The following ARL6IP6 variants were observed in gnomAD, a reference collection of about 807,000 sequenced individuals.
ARL6IP6 encodes ARF like GTPase 6 interacting protein 6.
In ARL6IP6, 22 loss-of-function variants were observed where a neutral mutation model predicts 21.5. That is an observed-to-expected ratio of 1.02 (90% CI 0.73 to 1.46). The LOEUF (loss-of-function observed/expected upper bound fraction) is 1.46, where lower values mean the gene tolerates loss of function less well. Ranked by LOEUF, ARL6IP6 falls within the 40% of genes most tolerant of loss-of-function variation. The pLI is 0.00. For synonymous variants in ARL6IP6, 164 were observed against 125.3 expected (o/e 1.31, Z -2.06); for missense variants, 388 against 299.8 (o/e 1.29, Z -2.17).
chr2:152,743,882 A>G (rs1700926048), intron 3 of ARL6IP6, among the ~76,000 whole-genome samples: 1 of 152,176 alleles, frequency 6.6e-6, no homozygotes, highest in Non-Finnish European at 1.5e-5. Context: ...GATTTTAAAT[A>G]ATTTTCTCTC....
chr2:152,724,992 C>T (rs1242813175), intron 2 of ARL6IP6, among the ~76,000 whole-genome samples: 1 of 152,110 alleles, frequency 6.6e-6, no homozygotes, highest in African/African-American at 2.4e-5. Context: ...ATCGAAGTAA[C>T]TTAATTGGCT....
intron 2 of ARL6IP6, among the ~76,000 whole-genome samples, chr2:152,730,585 C>T (rs1223328191): frequency 6.6e-6 from 1 of 151,544 alleles, no homozygotes; most frequent in Non-Finnish European, 1.5e-5. Context: ...GAAGGTTATT[C>T]TAAGGTTCTG....
intron 3 of ARL6IP6, among the ~76,000 whole-genome samples, chr2:152,737,545 A>G (rs545418291): frequency 1.2e-4 from 19 of 152,252 alleles, no homozygotes; most frequent in African/African-American, 3.6e-4. Flanking sequence ...AAGAGTTTTA[A>G]TTGACTCACA....
At chr2:152,758,147 A>G (rs1701671881) in intron 3 of ARL6IP6, among the ~76,000 whole-genome samples, 1 of 152,174 alleles carries the variant, frequency 6.6e-6, no homozygotes, top group South Asian at 2.1e-4. Context: ...GTATTTGCAT[A>G]TAACCTAAGC....
chr2:152,743,562 G>A (rs762572747), intron 3 of ARL6IP6, among the ~76,000 whole-genome samples: 8 of 152,058 alleles, frequency 5.3e-5, no homozygotes, highest in African/African-American at 1.9e-4. Flanking sequence ...AGTGGCAAGC[G>A]CCCCTAGCAT....
rs73005614 is a variant in ARL6IP6 at position 152,747,287 on chromosome 2, C to G, written c.587+12161C>G. 9.2e-3 allele frequency among the ~76,000 whole-genome samples: 1,404 copies of G among 152,270 alleles called. 22 individuals are homozygous for G. The highest frequency in any genetic ancestry group is 0.032 in the African/African-American group (1,328 of 41,542). ...TGACTAAACTCCAGTGAGGAGAGAGCTAGCTTTCCAGGTCTTTCATTCTGA... is the reference window on the plus strand; with the variant it reads ...TGACTAAACTCCAGTGAGGAGAGAGGTAGCTTTCCAGGTCTTTCATTCTGA... On this transcript the variant is annotated intron_variant, in intron 3 of 3. Transcript: ENST00000326446.
At chr2:152,719,108 C>T (rs1699537656) in intron 1 of ARL6IP6, 84 bp downstream of exon 1, 4 of 1,400,196 alleles carry the variant, frequency 2.9e-6, no homozygotes, top group Non-Finnish European at 3.7e-6. Flanking sequence ...CTCCCTTTCC[C>T]TCGCGCTAAG....
intron 2 of ARL6IP6, among the ~76,000 whole-genome samples, chr2:152,734,622 C>T (rs1210783964): frequency 6.6e-6 from 1 of 152,204 alleles, no homozygotes; most frequent in African/African-American, 2.4e-5. Flanking sequence ...TCCCAAAACA[C>T]TGTGATTGCA....
In ARL6IP6 at chr2:152,759,804, C is replaced by T. The variant is rs142877091; in HGVS notation, c.645C>T (p.Ile215=). The part of the protein sequence containing the change: ...MGYSMAILNG[I]VAALTVAWCL... ...ATAGCATGGCGATTTTGAATGGCAT[C>T]GTAGCTGCTCTTACTGTAGCATGGT... The change falls in exon 4 of 4, where the codon ATC becomes ATT. Residue 215 remains isoleucine, a synonymous_variant. Coordinates refer to ENST00000326446, the MANE Select transcript of ARL6IP6 (RefSeq NM_152522.7). 23 of 1,613,448 alleles carry T rather than the reference C, an allele frequency of 1.4e-5. No homozygotes were observed. In the African/African-American group the frequency reaches 1.6e-4, roughly 11 times the overall value.
chr2:152,732,485 A>G, intron 2 of ARL6IP6: 1 of 406,274 alleles, frequency 2.5e-6, no homozygotes, highest in South Asian at 1.9e-5. Flanking sequence ...ATTTAACTTT[A>G]TATTTGGATT....
chr2:152,718,120 G>A (rs1699281959), upstream of ARL6IP6: 3 of 962,886 alleles, frequency 3.1e-6, no homozygotes, highest in Non-Finnish European at 3.7e-6. Context: ...AGAGCGCCAG[G>A]TAGAGAGGTG....
chr2:152,717,766 G>C (rs995631257), upstream of ARL6IP6: 11 of 1,253,358 alleles, frequency 8.8e-6, no homozygotes, highest in South Asian at 1.0e-4. Context: ...CACCCCGTAG[G>C]GGGTGGGGCA....
chr2:152,732,012 T>C (rs987959770), intron 2 of ARL6IP6, among the ~76,000 whole-genome samples: 16 of 152,234 alleles, frequency 1.1e-4, no homozygotes, highest in African/African-American at 3.8e-4. Flanking sequence ...TGTATGGATG[T>C]ACTTAATTAA....
chr2:152,718,573 C>T, upstream of ARL6IP6: 1 of 1,487,060 alleles, frequency 6.7e-7, no homozygotes, highest in Non-Finnish European at 8.9e-7. Flanking sequence ...GGACCCGGGG[C>T]GGGGCAGGTG....
In ARL6IP6 at chr2:152,759,941, G is replaced by C. The variant is rs1459545400; in HGVS notation, c.*101G>C. ...TACTCAGAAGACTGAGAAACCTGCT[G>C]TTCATTATGTAGTTCAGATATTTAT... On this transcript the variant is annotated 3_prime_UTR_variant, in exon 4 of 4. Coordinates refer to ENST00000326446, the MANE Select transcript of ARL6IP6 (RefSeq NM_152522.7). The C allele has an allele frequency of 2.2e-6, 2 of 915,730 alleles. No homozygotes were observed. The highest frequency in any genetic ancestry group is 3.5e-6 in the Non-Finnish European group (2 of 567,802). The allele number at this position is 915,730 out of a possible 1,614,324, so 56.7% of individuals were successfully genotyped here.
intron 3 of ARL6IP6, among the ~76,000 whole-genome samples, chr2:152,752,850 G>A (rs889236461): frequency 6.6e-6 from 1 of 152,176 alleles, no homozygotes; most frequent in African/African-American, 2.4e-5. Context: ...TAAGAAGTGT[G>A]CCTTAATTGG....
intron 3 of ARL6IP6, 39 bp from the exon 4 acceptor site, chr2:152,759,708 C>T: frequency 6.5e-7 from 1 of 1,538,456 alleles, no homozygotes; most frequent in Non-Finnish European, 9.0e-7. Flanking sequence ...TACCACGTTA[C>T]ATTTTTCTTT....
intron 3 of ARL6IP6, among the ~76,000 whole-genome samples, chr2:152,755,259 A>G (rs578133032): frequency 6.6e-6 from 1 of 152,284 alleles, no homozygotes; most frequent in African/African-American, 2.4e-5. Context: ...GGTAGCGTCA[A>G]TGCCAAGGGA....
chr2:152,717,845 G>C (rs569415864), upstream of ARL6IP6: 2 of 1,104,134 alleles, frequency 1.8e-6, no homozygotes, highest in Non-Finnish European at 2.2e-6. Flanking sequence ...GGCCGCCAGG[G>C]GTAGGGTGGA....
Sources: gnomAD v4.1 joint callset for allele counts (sites outside exome capture counted in the v4.1 genomes callset) on GRCh38, gnomAD v4.1.1 for gene constraint, MANE v1.5 for transcripts, NCBI Gene and HGNC (gene_info 2026-07-23, HGNC 2026-07-21) for gene names.